The following RIT2 variants were observed in gnomAD, a reference collection of about 807,000 sequenced individuals.
RIT2 encodes the protein GTP-binding protein Rit2.
A neutral mutation model predicts 23.7 loss-of-function variants in RIT2; 24 were observed. The ratio of observed to expected loss-of-function variants is 1.01; its 90% confidence interval spans 0.73 to 1.43. The LOEUF is 1.43. Among genes scored for constraint, RIT2 ranks in the 40% most tolerant of loss-of-function variants. The pLI, the probability that RIT2 is intolerant of heterozygous loss-of-function variation, is 0.00. For missense variants in RIT2, 236 were observed against 266.9 expected, an observed-to-expected ratio of 0.88 and a Z score of 0.81; for synonymous variants, 107 against 91.1, an observed-to-expected ratio of 1.17 and a Z score of -0.99.
intron 2 of RIT2, among the ~76,000 whole-genome samples, chr18:42,997,347 G>A (rs551296439): frequency 1.1e-4 from 16 of 151,800 alleles, no homozygotes; most frequent in South Asian, 4.2e-4. Context: ...ACTGCATTTG[G>A]GGGGGAAGAA....
chr18:43,033,098 C>A (rs1196936242), intron 2 of RIT2, among the ~76,000 whole-genome samples: 1 of 152,148 alleles, frequency 6.6e-6, no homozygotes, highest in Non-Finnish European at 1.5e-5. Flanking sequence ...GTGTTTCTGA[C>A]AAAGAGTACT....
At chr18:42,809,214 G>GA (rs2143973142) in intron 4 of RIT2, among the ~76,000 whole-genome samples, 1 of 152,244 alleles carries the variant, frequency 6.6e-6, no homozygotes, top group East Asian at 1.9e-4. Context: ...GAAACTCAGA[G>GA]AAAATCACAG....
intron 2 of RIT2, among the ~76,000 whole-genome samples, chr18:42,991,236 A>G (rs895525682): frequency 6.6e-5 from 10 of 152,240 alleles, no homozygotes; most frequent in South Asian, 2.1e-4. Context: ...CGTGTATCCA[A>G]TGAAAATGTT....
intron 1 of RIT2, among the ~76,000 whole-genome samples, chr18:43,046,386 T>C (rs570768242): frequency 6.6e-6 from 1 of 152,374 alleles, no homozygotes; most frequent in African/African-American, 2.4e-5. Flanking sequence ...GGATTTGTTA[T>C]GGTGACACAA....
chr18:42,992,154 CCA>C (rs60227703), intron 2 of RIT2, among the ~76,000 whole-genome samples: 145,671 of 151,866 alleles, frequency 0.96, 70,139 homozygotes, highest in East Asian at 1. Context: ...CTCCATTCCT[CCA>C]CTTCTTCTCC....
chr18:42,964,947 G>A (rs1910179711), intron 3 of RIT2, among the ~76,000 whole-genome samples: 1 of 151,318 alleles, frequency 6.6e-6, no homozygotes, highest in African/African-American at 2.4e-5. Context: ...ATCCTTCTCT[G>A]GTTACCATTT....
chr18:43,061,002 T>C (rs1912631067), intron 1 of RIT2, among the ~76,000 whole-genome samples: 1 of 152,136 alleles, frequency 6.6e-6, no homozygotes, highest in Non-Finnish European at 1.5e-5. Context: ...CATGCACTCA[T>C]TTAATGTATT....
At chr18:42,905,121 T>G (rs1908576070) in intron 4 of RIT2, among the ~76,000 whole-genome samples, 1 of 152,150 alleles carries the variant, frequency 6.6e-6, no homozygotes, top group South Asian at 2.1e-4. Flanking sequence ...CACTTGTATT[T>G]GAGGAGATGT....
At chr18:43,059,322 C>T (rs948826824) in intron 1 of RIT2, among the ~76,000 whole-genome samples, 3 of 152,006 alleles carry the variant, frequency 2.0e-5, no homozygotes, top group South Asian at 2.1e-4. Flanking sequence ...TAATTACCTA[C>T]GGACATAAGG....
chr18:42,835,692 A>G (rs1906580742), intron 4 of RIT2, among the ~76,000 whole-genome samples: 1 of 152,164 alleles, frequency 6.6e-6, no homozygotes, highest in Non-Finnish European at 1.5e-5. Flanking sequence ...AATCAGTTTT[A>G]GATACCATGG....
chr18:42,756,477 G>A (rs1023088631), intron 4 of RIT2, among the ~76,000 whole-genome samples: 4 of 152,286 alleles, frequency 2.6e-5, no homozygotes, highest in Admixed American at 1.3e-4. Context: ...ATGGCAGCCA[G>A]TAGTTGCTAT....
At chr18:43,062,924 T>C (rs1190426158) in intron 1 of RIT2, among the ~76,000 whole-genome samples, 1 of 152,082 alleles carries the variant, frequency 6.6e-6, no homozygotes, top group Admixed American at 6.6e-5. Context: ...CCAATACAAC[T>C]GGACTTTATT....
At chr18:42,893,435 G>C (rs1908236963) in intron 4 of RIT2, among the ~76,000 whole-genome samples, 1 of 152,094 alleles carries the variant, frequency 6.6e-6, no homozygotes, top group Non-Finnish European at 1.5e-5. Context: ...GTCCTCAAAA[G>C]GCAGAAGGGG....
chr18:42,874,264 C>T (rs765677900), intron 4 of RIT2, among the ~76,000 whole-genome samples: 4 of 152,122 alleles, frequency 2.6e-5, no homozygotes, highest in Non-Finnish European at 5.9e-5. Flanking sequence ...TTAATGTTCA[C>T]TACAGAAGGT....
At chr18:42,922,009 G>A (rs568997813) in intron 4 of RIT2, among the ~76,000 whole-genome samples, 1 of 152,156 alleles carries the variant, frequency 6.6e-6, no homozygotes, top group African/African-American at 2.4e-5. Flanking sequence ...TGCTGAACAT[G>A]TCTTTGGAGA....
At chr18:43,087,733 T>C (rs1456535446) in intron 1 of RIT2, among the ~76,000 whole-genome samples, 1 of 152,168 alleles carries the variant, frequency 6.6e-6, no homozygotes, top group Non-Finnish European at 1.5e-5. Flanking sequence ...ACAAGAATAG[T>C]CATAAGTTTA....
At chr18:42,852,473 A>C (rs1373959534) in intron 4 of RIT2, among the ~76,000 whole-genome samples, 2 of 152,190 alleles carry the variant, frequency 1.3e-5, no homozygotes, top group African/African-American at 4.8e-5. Flanking sequence ...TGGGTTAATT[A>C]ATTGGAATCT....
chr18:42,987,712 A>C (rs1416840039), intron 2 of RIT2, among the ~76,000 whole-genome samples: 1 of 152,198 alleles, frequency 6.6e-6, no homozygotes, highest in East Asian at 1.9e-4. Context: ...GTAAGTTATA[A>C]AGAAAAGAGG....
chr18:42,873,310 T>G (rs2144066795), intron 4 of RIT2, among the ~76,000 whole-genome samples: 1 of 152,286 alleles, frequency 6.6e-6, no homozygotes, highest in African/African-American at 2.4e-5. Flanking sequence ...GAAGCCTTTA[T>G]ATAGTGGAAA....
Sources: gnomAD v4.1 joint callset for allele counts (sites outside exome capture counted in the v4.1 genomes callset) on GRCh38, gnomAD v4.1.1 for gene constraint, MANE v1.5 for transcripts, NCBI Gene and HGNC (gene_info 2026-07-23, HGNC 2026-07-21) for gene names.